The following TTLL10 variants were observed in gnomAD, a reference collection of about 807,000 sequenced individuals.
TTLL10 encodes inactive polyglycylase TTLL10.
Under a neutral mutation model 69.0 loss-of-function variants are expected in TTLL10, and 61 were observed. The observed-to-expected ratio is 0.88, with a 90% CI of 0.72 to 1.09. The LOEUF is 1.09. Among genes scored for constraint, TTLL10 ranks in the 50% least tolerant of loss-of-function variants. The probability of loss-of-function intolerance (pLI) is 0.00; values close to 1 mark genes in which losing one functional copy is unlikely to be tolerated. For synonymous variants in TTLL10, 408 were observed against 393.3 expected (o/e 1.04, Z -0.44); for missense variants, 962 against 945.9 (o/e 1.02, Z -0.22).
In TTLL10 at chr1:1,185,656, G is replaced by A. The variant is rs1017910733; in HGVS notation, c.1401+547G>A. The A allele has an allele frequency of 2.1e-4, 209 of 985,546 alleles. No individual in the cohort carries two copies. Among genetic ancestry groups the A allele is most frequent in the Non-Finnish European group, 2.5e-4 (204 of 830,098 alleles). The allele number at this position is 985,546 out of a possible 1,614,324, so 61.1% of individuals were successfully genotyped here. ...CGCGGTGTGAAACTGGGATAAAAAC[G>A]GGGCTTGGCCGAAGGACTTTTATCT... On this transcript the variant is annotated intron_variant, in intron 13 of 15. Coordinates refer to ENST00000379289, the MANE Select transcript of TTLL10 (RefSeq NM_001130045.2). This position sits in a 1 kb window ranked among gnomAD's most constrained non-coding sequence, Gnocchi z 6.1.
Position 1,197,784 on chromosome 1 carries a change from G to A in TTLL10, c.1959G>A (p.Ala653=), listed in dbSNP as rs780240475. ...CGGGCACAGGCAACAGGCACCCGGC[G>A]CAAGAGCCTTCCCCGGGGACAGCCA... ...EQSGTGNRHP[A]QEPSPGTAKE... The change falls in exon 16 of 16, where the codon GCG becomes GCA. Residue 653 remains alanine (A), a synonymous_variant. Coordinates refer to ENST00000379289, the MANE Select transcript of TTLL10 (RefSeq NM_001130045.2). 25 of 1,530,350 alleles carry A rather than the reference G, an allele frequency of 1.6e-5. No homozygotes were observed. Among genetic ancestry groups the A allele is most frequent in the South Asian group, 7.3e-5 (6 of 82,514 alleles). The allele number at this position is 1,530,350 out of a possible 1,614,324, so 94.8% of individuals were successfully genotyped here. A position where few individuals can be genotyped will look rare whatever the true frequency, so the allele number is the denominator to read the frequency against.
chr1:1,197,776 C>T lies in TTLL10; in HGVS notation c.1951C>T (p.His651Tyr). Residue 651 changes from histidine (H) to tyrosine (Y), a missense_variant, in exon 16 of 16, where the codon CAC (histidine) becomes TAC (tyrosine). Coordinates refer to ENST00000379289, the MANE Select transcript of TTLL10 (RefSeq NM_001130045.2). ...GGAGCAGTCGGGCACAGGCAACAGGCACCCGGCGCAAGAGCCTTCCCCGGG... is the reference window on the plus strand; with the variant it reads ...GGAGCAGTCGGGCACAGGCAACAGGTACCCGGCGCAAGAGCCTTCCCCGGG... ...GTEQSGTGNR[H>Y]PAQEPSPGTA... The T allele has an allele frequency of 6.5e-7, 1 of 1,534,156 alleles. No individual in the cohort carries two copies. Among genetic ancestry groups the T allele is most frequent in the Non-Finnish European group, 8.8e-7 (1 of 1,141,652 alleles).
At position 1,180,030 on chromosome 1, in the gene TTLL10, A is replaced by T. The variant is rs1380489834; in HGVS notation, c.200-4A>T. 1 of 1,523,636 alleles carries T rather than the reference A, an allele frequency of 6.6e-7. No homozygotes were observed. Among genetic ancestry groups the T allele is most frequent in the Non-Finnish European group, 8.8e-7 (1 of 1,137,502 alleles). The allele number at this position is 1,523,636 out of a possible 1,614,324, so 94.4% of individuals were successfully genotyped here. On this transcript the variant is annotated splice_polypyrimidine_tract_variant and splice_region_variant and intron_variant, in intron 5 of 15. Coordinates refer to ENST00000379289, the MANE Select transcript of TTLL10 (RefSeq NM_001130045.2). ...ACCCCGGTGGGACCCCACCCCGTTC[A>T]CAGGCCCGGCCCACGAGAGGCCAAT...
chr1:1,189,943 T>G (rs1331717422), intron 13 of TTLL10, among the ~76,000 whole-genome samples: 1 of 152,058 alleles, frequency 6.6e-6, no homozygotes, highest in Non-Finnish European at 1.5e-5. Context: ...AAACCCCGTC[T>G]CTACTAAAAA....
intron 13 of TTLL10, among the ~76,000 whole-genome samples, chr1:1,189,567 G>A (rs1280050531): frequency 2.6e-5 from 4 of 152,304 alleles, no homozygotes; most frequent in East Asian, 3.9e-4. Flanking sequence ...TTTCTCGAAT[G>A]TCTTTGCCTG....
At chr1:1,191,589 T>C (rs1471177700) in intron 13 of TTLL10, among the ~76,000 whole-genome samples, 1 of 152,226 alleles carries the variant, frequency 6.6e-6, no homozygotes, top group Non-Finnish European at 1.5e-5. Context: ...GTTCTGTAGA[T>C]GTCTGTGCCG....
Position 1,181,744 on chromosome 1 carries a change from G to A in TTLL10, c.759G>A (p.Leu253=), listed in dbSNP as rs746183279. 31 of 1,601,202 alleles carry A rather than the reference G, an allele frequency of 1.9e-5. No individual in the cohort carries two copies. Among genetic ancestry groups the A allele is most frequent in the Non-Finnish European group, 6.8e-6 (8 of 1,175,194 alleles). ...CCCTCTGTCCCCTGGGCTGCAGGCT[G>A]GAAAAGGACGCAGCAGCGCCCGCCC... is the stretch of plus-strand genomic sequence containing the variant. ...SKVPGGVQAR[L]EKDAAAPALE... The change falls in exon 9 of 16, where the codon CTG becomes CTA. Residue 253 remains leucine, a synonymous_variant. Coordinates refer to ENST00000379289, the MANE Select transcript of TTLL10 (RefSeq NM_001130045.2). This position sits in a 1 kb window ranked among gnomAD's most constrained non-coding sequence, Gnocchi z 4.6.
intron 13 of TTLL10, among the ~76,000 whole-genome samples, chr1:1,186,850 G>C (rs1322552326): frequency 7.1e-6 from 1 of 140,298 alleles, no homozygotes; most frequent in Non-Finnish European, 1.5e-5. Flanking sequence ...TTTGTTTTTT[G>C]TTTTTTTTTT....
chr1:1,176,420 A>T (rs746022745), intron 3 of TTLL10: 14 of 454,888 alleles, frequency 3.1e-5, no homozygotes, highest in South Asian at 2.0e-4. Context: ...TCATCAGGTC[A>T]GCTGCAAGCT....
chr1:1,196,522 G>T, intron 13 of TTLL10, 78 bp from the exon 14 acceptor site: 1 of 1,060,508 alleles, frequency 9.4e-7, no homozygotes, highest in Non-Finnish European at 1.4e-6. Context: ...GGTGAGGGAT[G>T]TGGCTGTGGC....
chr1:1,181,812 A>T lies in TTLL10; in HGVS notation c.827A>T (p.Gln276Leu). 1 of 1,605,882 alleles carries T rather than the reference A, an allele frequency of 6.2e-7. No individual in the cohort carries two copies. The highest frequency in any genetic ancestry group is 1.1e-5 in the South Asian group (1 of 89,156). The change falls in exon 9 of 16, where the codon CAG (glutamine) becomes CTG (leucine). Residue 276 changes from glutamine to leucine, a missense_variant. Gln to Leu is a moderately radical substitution (Grantham distance 113). Coordinates refer to ENST00000379289, the MANE Select transcript of TTLL10 (RefSeq NM_001130045.2). The surrounding 1 kb of genome is among the most constrained non-coding windows in gnomAD (Gnocchi z 4.6). ...PWTSPGYLRPQRVLRMEEFFP... is the reference protein window; with the variant it reads ...PWTSPGYLRPLRVLRMEEFFP... Reference sequence around the variant, plus strand: ...ACAAGCCCAGGATACCTCAGGCCACAGAGGTAGACTCAGCCCAGCTGTGAG... The same window carrying T: ...ACAAGCCCAGGATACCTCAGGCCACTGAGGTAGACTCAGCCCAGCTGTGAG...
intron 11 of TTLL10, among the ~76,000 whole-genome samples, chr1:1,183,373 C>T (rs1022730106): frequency 6.6e-6 from 1 of 152,210 alleles, no homozygotes; most frequent in Admixed American, 6.5e-5. Context: ...CAGCTGCAGC[C>T]TTCAGGCCTA....
intron 13 of TTLL10, among the ~76,000 whole-genome samples, chr1:1,194,194 T>G (rs1648037035): frequency 6.6e-6 from 1 of 152,182 alleles, no homozygotes; most frequent in Non-Finnish European, 1.5e-5. Context: ...ATTCAGTTTT[T>G]TATTAATACC....
At chr1:1,193,029 A>G (rs539901885) in intron 13 of TTLL10, among the ~76,000 whole-genome samples, 1 of 148,862 alleles carries the variant, frequency 6.7e-6, no homozygotes, top group Non-Finnish European at 1.5e-5. Flanking sequence ...TACATTTAAT[A>G]TAATTACTGA....
rs368514223 is a variant in TTLL10 at position 1,176,113 on chromosome 1, G to A, written c.-28+1624G>A. The stretch of plus-strand genomic sequence containing the variant: ...GGTGGAGAGACTGCTGCTCCCAGCC[G>A]CTGTGCAGGTGGAGAGAGGCTGACG... On this transcript the variant is annotated intron_variant, in intron 3 of 15. Coordinates refer to ENST00000379289, the MANE Select transcript of TTLL10 (RefSeq NM_001130045.2). The A allele has an allele frequency of 7.6e-3, 2,905 of 381,508 alleles. 3 individuals are homozygous for A. The highest frequency in any genetic ancestry group is 0.022 in the African/African-American group (678 of 31,420). The allele number at this position is 381,508 out of a possible 1,614,324, so 23.6% of individuals were successfully genotyped here.
intron 3 of TTLL10, chr1:1,175,466 C>G (rs764676305): frequency 2.8e-6 from 1 of 360,322 alleles, no homozygotes; most frequent in Non-Finnish European, 5.5e-6. Flanking sequence ...CCATATCATC[C>G]CGGCACGAAT....
In TTLL10 at chr1:1,180,075, G is replaced by A. The variant is rs774436803; in HGVS notation, c.241G>A (p.Gly81Arg). ...ERPMGSSQEE[G>R]LRCQPSQPDH... ...GCCAATGGGGAGCAGCCAGGAGGAG[G>A]GACTCCGGTGTCAGCCAAGCCAGCC... The change falls in exon 6 of 16, where the codon GGA (glycine) becomes AGA (arginine). Residue 81 changes from glycine to arginine, a missense_variant. Transcript: ENST00000379289. 6.2e-7 allele frequency: 1 copy of A among 1,600,904 alleles called. No homozygotes were observed. The highest frequency in any genetic ancestry group is 1.1e-5 in the South Asian group (1 of 89,366).
At position 1,197,802 on chromosome 1, in the gene TTLL10, G is replaced by C; in HGVS notation, c.1977G>C (p.Gly659=). Residue 659 remains glycine (G), a synonymous_variant, in exon 16 of 16, where the codon GGG becomes GGC. Coordinates refer to ENST00000379289, the MANE Select transcript of TTLL10 (RefSeq NM_001130045.2). ...NRHPAQEPSP[G]TAKEEREEPE... ...ACCCGGCGCAAGAGCCTTCCCCGGG[G>C]ACAGCCAAGGAGGAACGCGAGGAGC... is the stretch of plus-strand genomic sequence containing the variant. The C allele has an allele frequency of 1.3e-6, 2 of 1,525,494 alleles. No individual in the cohort carries two copies. The highest frequency in any genetic ancestry group is 1.8e-6 in the Non-Finnish European group (2 of 1,137,322). 94.5% of individuals were successfully genotyped at this position (1,525,494 alleles called of 1,614,324 possible). A position where few individuals can be genotyped will look rare whatever the true frequency, so the allele number is the denominator to read the frequency against.
chr1:1,187,953 T>C (rs1037268584), intron 13 of TTLL10, among the ~76,000 whole-genome samples: 1 of 152,064 alleles, frequency 6.6e-6, no homozygotes, highest in African/African-American at 2.4e-5. Flanking sequence ...ATTACACTTA[T>C]GTTTCTTTCT....
Sources: gnomAD v4.1 joint callset for allele counts (sites outside exome capture counted in the v4.1 genomes callset) on GRCh38, gnomAD v4.1.1 for gene constraint, Gnocchi (gnomAD v3.1) non-coding constraint, MANE v1.5 for transcripts, NCBI Gene and HGNC (gene_info 2026-07-23, HGNC 2026-07-21) for gene names.